The following AGO3 variants were observed in gnomAD, a reference collection of about 807,000 sequenced individuals.
AGO3 encodes protein argonaute-3.
AGO3 carries 16 observed loss-of-function variants against 105.5 expected under a neutral mutation model. That is an observed-to-expected ratio of 0.15 (90% confidence interval 0.10 to 0.23). The LOEUF is 0.23. Among genes scored for constraint, AGO3 ranks in the 10% least tolerant of loss-of-function variants. The probability of loss-of-function intolerance (pLI) is 1.00; values close to 1 mark genes in which losing one functional copy is unlikely to be tolerated. For missense variants in AGO3, 534 were observed against 1,088.0 expected (o/e 0.49, Z 7.16); for synonymous variants, 340 against 367.3 (o/e 0.93, Z 0.85).
At chr1:36,016,912 T>G (rs577391500) in intron 11 of AGO3, among the ~76,000 whole-genome samples, 6 of 152,182 alleles carry the variant, frequency 3.9e-5, no homozygotes, top group Non-Finnish European at 8.8e-5. Flanking sequence ...TGCATGAGCT[T>G]AGTCCAAAAC....
intron 9 of AGO3, among the ~76,000 whole-genome samples, chr1:36,010,346 G>C (rs1398724797): frequency 6.6e-6 from 1 of 151,962 alleles, no homozygotes; most frequent in Non-Finnish European, 1.5e-5. Flanking sequence ...GCTCACATCT[G>C]TATTCCCAGC....
chr1:35,998,368 A>G (rs957331955), intron 5 of AGO3, among the ~76,000 whole-genome samples: 3 of 152,204 alleles, frequency 2.0e-5, no homozygotes, highest in Admixed American at 6.5e-5. Flanking sequence ...GGATATGAGC[A>G]TTCTTATTCA....
At chr1:35,978,590 C>T (rs1240916050) in intron 5 of AGO3, among the ~76,000 whole-genome samples, 1 of 152,144 alleles carries the variant, frequency 6.6e-6, no homozygotes, top group Non-Finnish European at 1.5e-5. Context: ...ACTTCCTCTT[C>T]CTTCCTGAAG....
intron 11 of AGO3, among the ~76,000 whole-genome samples, chr1:36,024,310 GT>G (rs1161832782): frequency 6.6e-6 from 1 of 151,654 alleles, no homozygotes; most frequent in East Asian, 1.9e-4. Flanking sequence ...AGCTAATTTT[GT>G]TTTTTTGTAT....
intron 2 of AGO3, among the ~76,000 whole-genome samples, chr1:35,947,123 A>G (rs1384928933): frequency 6.6e-6 from 1 of 152,060 alleles, no homozygotes; most frequent in Non-Finnish European, 1.5e-5. Flanking sequence ...TTATTTATTT[A>G]TTTTTGAAGG....
intron 3 of AGO3, among the ~76,000 whole-genome samples, chr1:35,967,300 C>T (rs1191179611): frequency 6.6e-6 from 1 of 152,100 alleles, no homozygotes; most frequent in African/African-American, 2.4e-5. Flanking sequence ...CTGAACATTT[C>T]CACCTTTGTT....
rs912761356 is a variant in AGO3, at chr1:35,984,156, C to T, written c.658+10645C>T. ...ACACCAAATATGATGTCAAAAAAGC[C>T]AAGAGGGGAAACATATCCAAAAAAT... is the stretch of plus-strand genomic sequence containing the variant. On this transcript the variant is annotated intron_variant, in intron 5 of 18. Transcript: ENST00000373191. 3.3e-5 allele frequency among the ~76,000 whole-genome samples: 5 copies of T among 151,938 alleles called. 1 individual carries two copies. The East Asian group carries it at 9.7e-4, about 29-fold the overall frequency.
At chr1:36,009,665 C>T in intron 9 of AGO3, 71 bp downstream of exon 9, 1 of 1,444,090 alleles carries the variant, frequency 6.9e-7, no homozygotes, top group South Asian at 1.3e-5. Flanking sequence ...AGAACCATGT[C>T]CTTATCAACC....
chr1:36,028,757 A>G (rs1228757007), intron 12 of AGO3, among the ~76,000 whole-genome samples: 1 of 152,102 alleles, frequency 6.6e-6, no homozygotes, highest in Non-Finnish European at 1.5e-5. Context: ...TTGGGTATAT[A>G]CCCAGTAATG....
chr1:35,942,843 C>G (rs940043458), intron 1 of AGO3, among the ~76,000 whole-genome samples: 1 of 152,174 alleles, frequency 6.6e-6, no homozygotes, highest in African/African-American at 2.4e-5. Context: ...TTTTCATTTT[C>G]TATAACTGAA....
At position 35,993,466 on chromosome 1, in the gene AGO3, TTAA is replaced by T. The variant is rs1282333662; in HGVS notation, c.659-10871_659-10869del. On this transcript the variant is annotated intron_variant, in intron 5 of 18. Transcript: ENST00000373191. Reference sequence around the variant, plus strand: ...CTAAAAATTCTTCAGAATTGAAAGATTAATAAGGGAATGGTATGAACAACTTTA... The same window carrying T: ...CTAAAAATTCTTCAGAATTGAAAGATTAAGGGAATGGTATGAACAACTTTA... Among the ~76,000 whole-genome samples, 8 of 152,246 alleles carry T rather than the reference TTAA, an allele frequency of 5.3e-5. No homozygotes were observed. The East Asian group carries it at 1.2e-3, about 22-fold the overall frequency.
At chr1:35,931,529 G>A in intron 1 of AGO3, 84 bp downstream of exon 1, 3 of 1,291,198 alleles carry the variant, frequency 2.3e-6, no homozygotes, top group Non-Finnish European at 3.0e-6. Flanking sequence ...CCCGGCCCAG[G>A]TGCGCGAGGT....
At chr1:36,002,092 TC>T (rs1368705462) in intron 5 of AGO3, among the ~76,000 whole-genome samples, 1 of 152,190 alleles carries the variant, frequency 6.6e-6, no homozygotes, top group African/African-American at 2.4e-5. Context: ...CAATCTCAGC[TC>T]ACTGCAACCT....
At chr1:35,971,412 G>GC (rs953140062) in intron 3 of AGO3, among the ~76,000 whole-genome samples, 11 of 151,046 alleles carry the variant, frequency 7.3e-5, no homozygotes, top group African/African-American at 1.5e-4. Flanking sequence ...GCCTGCCTCA[G>GC]CCCCCCAAAG....
chr1:36,046,180 T>G (rs1157994863), intron 17 of AGO3, among the ~76,000 whole-genome samples: 2 of 152,090 alleles, frequency 1.3e-5, no homozygotes, highest in African/African-American at 4.8e-5. Context: ...GAAAAGGAGC[T>G]GATACTGTGC....
At chr1:35,995,209 A>AATATATATATAT (rs748081363) in intron 5 of AGO3, among the ~76,000 whole-genome samples, 30 of 114,724 alleles carry the variant, frequency 2.6e-4, no homozygotes, top group African/African-American at 7.9e-4. Context: ...TAAAAAAAAA[A>AATATATATATAT]ATATATATAT....
At chr1:35,946,028 G>GA (rs1208391443) in intron 2 of AGO3, among the ~76,000 whole-genome samples, 165 bp downstream of exon 2, 5 of 152,130 alleles carry the variant, frequency 3.3e-5, no homozygotes, top group Non-Finnish European at 7.4e-5. Flanking sequence ...TGATAGTGGG[G>GA]AAAAAATCTT....
intron 2 of AGO3, 86 bp from the exon 3 acceptor site, chr1:35,966,869 T>C (rs1484668709): frequency 1.4e-6 from 2 of 1,447,294 alleles, no homozygotes; most frequent in Non-Finnish European, 1.8e-6. Flanking sequence ...TTGACAGCTT[T>C]ATACAGTGGC....
chr1:35,955,126 G>T (rs1646540753), intron 2 of AGO3, among the ~76,000 whole-genome samples: 1 of 152,208 alleles, frequency 6.6e-6, no homozygotes, highest in Non-Finnish European at 1.5e-5. Context: ...GCTAAGGCTT[G>T]TGAATTCAGA....
Sources: allele counts gnomAD v4.1 joint callset (sites outside exome capture counted in the v4.1 genomes callset), GRCh38; gene constraint gnomAD v4.1.1; transcripts MANE v1.5; gene names NCBI Gene and HGNC (gene_info 2026-07-23, HGNC 2026-07-21).